KCNH5: variants seen among roughly 807,000 people sequenced by gnomAD.
KCNH5 encodes the protein voltage-gated delayed rectifier potassium channel KCNH5.
Under a neutral mutation model 96.1 loss-of-function variants are expected in KCNH5, and 46 were observed. That is an observed-to-expected ratio of 0.48 (90% CI 0.38 to 0.61). The LOEUF (loss-of-function observed/expected upper bound fraction) is 0.61, where lower values mean the gene tolerates loss of function less well. KCNH5 is among the 20% of genes least tolerant of loss of function. The pLI, the probability that KCNH5 is intolerant of heterozygous loss-of-function variation, is 0.00. For synonymous variants in KCNH5, 439 were observed against 449.8 expected (o/e 0.98, Z 0.30); for missense variants, 907 against 1,225.8 (o/e 0.74, Z 3.88).
In KCNH5 at chr14:62,849,783, C is replaced by G; in HGVS notation, c.1439G>C (p.Arg480Pro). 6.2e-7 allele frequency: 1 copy of G among 1,613,706 alleles called. No individual in the cohort carries two copies. The highest frequency in any genetic ancestry group is 8.5e-7 in the Non-Finnish European group (1 of 1,179,800). ...IFQQMYANTNRYHEMLNNVRD... is the reference protein window; with the variant it reads ...IFQQMYANTNPYHEMLNNVRD... ...TACATTATTCAGCATCTCATGGTAT[C>G]GGTTGGTGTTGGCATACATTTGCTG... is the stretch of plus-strand genomic sequence containing the variant. The change falls in exon 8 of 11, where the codon CGA becomes CCA. Residue 480 changes from arginine (R) to proline (P), a missense_variant. Physicochemically the swap from Arg to Pro is moderately radical, Grantham distance 103 (BLOSUM62 -2). Around this residue, in one of 6 missense-constraint regions of KCNH5, gnomAD observed 95 missense variants for 111.8 expected, o/e 0.85. Coordinates refer to ENST00000322893, the MANE Select transcript of KCNH5 (RefSeq NM_139318.5).
intron 7 of KCNH5, among the ~76,000 whole-genome samples, chr14:62,881,406 T>C (rs568425780): frequency 6.6e-6 from 1 of 152,298 alleles, no homozygotes; most frequent in South Asian, 2.1e-4. Flanking sequence ...TAAAATTCTT[T>C]TTCCTGATAC....
chr14:62,868,067 TC>T (rs1303306007), intron 7 of KCNH5, among the ~76,000 whole-genome samples: 4 of 152,228 alleles, frequency 2.6e-5, no homozygotes, highest in Admixed American at 6.5e-5. Context: ...AATATAATAT[TC>T]CCAGGACTTG....
At chr14:62,977,116 AT>A (rs2139563783) in intron 6 of KCNH5, among the ~76,000 whole-genome samples, 1 of 152,296 alleles carries the variant, frequency 6.6e-6, no homozygotes, top group South Asian at 2.1e-4. Flanking sequence ...CACGCCTGTA[AT>A]CCCAACACTT....
At position 62,700,339 on chromosome 14, in the gene KCNH5, C is replaced by T. The variant is rs1397966381; in HGVS notation, c.*7169G>A. The T allele has an allele frequency of 6.6e-6, 1 of 152,110 alleles. No individual in the cohort carries two copies. Among genetic ancestry groups the T allele is most frequent in the Non-Finnish European group, 1.5e-5 (1 of 68,000 alleles). The allele number at this position is 152,110 out of a possible 1,614,324, so 9.4% of individuals were successfully genotyped here. On this transcript the variant is annotated 3_prime_UTR_variant, in exon 11 of 11. Coordinates refer to ENST00000322893, the MANE Select transcript of KCNH5 (RefSeq NM_139318.5). ...TAACAATCACTTAAGAAATCTGTTC[C>T]TAATATGAAATGCATATTCCCCCTT...
chr14:63,020,401 T>G (rs1454808860), intron 1 of KCNH5, among the ~76,000 whole-genome samples: 1 of 152,086 alleles, frequency 6.6e-6, no homozygotes, highest in Non-Finnish European at 1.5e-5. Context: ...TTGGAAACAA[T>G]GCAAATGTCT....
chr14:62,851,222 A>G (rs1010057193), intron 7 of KCNH5, among the ~76,000 whole-genome samples: 1 of 152,150 alleles, frequency 6.6e-6, no homozygotes, highest in Non-Finnish European at 1.5e-5. Context: ...ATTTTGTTAG[A>G]CCTGTGTAGG....
rs145008218 is a variant in KCNH5 at position 62,762,374 on chromosome 14, T to C, written c.2019+17354A>G. Among the ~76,000 whole-genome samples, 693 of 152,220 alleles carry C rather than the reference T, an allele frequency of 4.6e-3. 8 individuals carry two copies. The highest frequency in any genetic ancestry group is 0.015 in the African/African-American group (624 of 41,540). ...CAGCCTTGAATGCCCAGATGGGCCA[T>C]TTCCCAGCAACTGCTGCCAGAGCTC... On this transcript the variant is annotated intron_variant, in intron 10 of 10. Transcript: ENST00000322893.
At chr14:62,842,602 T>A (rs1461129717) in intron 8 of KCNH5, among the ~76,000 whole-genome samples, 1 of 152,232 alleles carries the variant, frequency 6.6e-6, no homozygotes, top group Non-Finnish European at 1.5e-5. Flanking sequence ...TTTCTTATAA[T>A]AGTTTCTTAA....
In KCNH5 at chr14:62,795,260, G is replaced by C. The variant is rs1886516753; in HGVS notation, c.1822+7069C>G. On this transcript the variant is annotated intron_variant, in intron 9 of 10. Transcript: ENST00000322893. Reference sequence around the variant, plus strand: ...CACAACATATTTTTCTGGGTACCCAGAACTGAAACAATTATGAAAACAGTT... The same window carrying C: ...CACAACATATTTTTCTGGGTACCCACAACTGAAACAATTATGAAAACAGTT... 1.3e-5 allele frequency among the ~76,000 whole-genome samples: 2 copies of C among 152,112 alleles called. 1 individual carries two copies. Among genetic ancestry groups the C allele is most frequent in the South Asian group, 4.1e-4 (2 of 4,824 alleles).
At chr14:62,786,741 T>G (rs764751399) in intron 9 of KCNH5, among the ~76,000 whole-genome samples, 1 of 152,204 alleles carries the variant, frequency 6.6e-6, no homozygotes, top group Non-Finnish European at 1.5e-5. Context: ...TTGGTAATTC[T>G]CACAGTATTT....
chr14:62,799,176 T>C (rs1886597231), intron 9 of KCNH5, among the ~76,000 whole-genome samples: 1 of 152,122 alleles, frequency 6.6e-6, no homozygotes, highest in African/African-American at 2.4e-5. Context: ...CAGTAAATGT[T>C]ATAGAGCATA....
chr14:62,798,394 A>G (rs377759749), intron 9 of KCNH5, among the ~76,000 whole-genome samples: 16 of 152,328 alleles, frequency 1.1e-4, no homozygotes, highest in African/African-American at 3.6e-4. Flanking sequence ...TATACTTGTC[A>G]AGACATTGAG....
chr14:62,843,410 C>CT (rs570775868), intron 8 of KCNH5, among the ~76,000 whole-genome samples: 2,225 of 111,952 alleles, frequency 0.02, 48 homozygotes, highest in Non-Finnish European at 0.026. Flanking sequence ...ATTTACATGG[C>CT]TTTTTTTTTT....
At chr14:62,853,147 G>A (rs1458990870) in intron 7 of KCNH5, among the ~76,000 whole-genome samples, 1 of 152,128 alleles carries the variant, frequency 6.6e-6, no homozygotes, top group South Asian at 2.1e-4. Context: ...TCCTATATCT[G>A]ATCCATCAAC....
chr14:63,003,496 ATATATATTTTATATATATTT>A (rs1257966703), intron 3 of KCNH5, among the ~76,000 whole-genome samples: 9 of 126,596 alleles, frequency 7.1e-5, no homozygotes, highest in South Asian at 2.3e-4. Context: ...TATATATTAT[ATATATATTTTATATATATTT>A]TATATATTTT....
chr14:63,008,286 C>A (rs181871177), intron 2 of KCNH5, among the ~76,000 whole-genome samples: 1 of 152,038 alleles, frequency 6.6e-6, no homozygotes, highest in South Asian at 2.1e-4. Flanking sequence ...AACAGAGCCT[C>A]GAAAGACATC....
In KCNH5 at chr14:62,942,538, T is replaced by A. The variant is rs754594437; in HGVS notation, c.1369+7595A>T. Reference sequence around the variant, plus strand: ...AATACAGTGTGTGGCATTGGTCTCCTCTGTATGGTGCTGATTGACCAGTGT... The same window carrying A: ...AATACAGTGTGTGGCATTGGTCTCCACTGTATGGTGCTGATTGACCAGTGT... On this transcript the variant is annotated intron_variant, in intron 7 of 10. Transcript: ENST00000322893. 1.1e-3 allele frequency among the ~76,000 whole-genome samples: 170 copies of A among 152,196 alleles called. 5 individuals are homozygous for A. The highest frequency in any genetic ancestry group is 2.0e-4 in the Admixed American group (3 of 15,274).
At chr14:62,962,420 G>T (rs1235822544) in intron 6 of KCNH5, among the ~76,000 whole-genome samples, 1 of 152,122 alleles carries the variant, frequency 6.6e-6, no homozygotes, top group Non-Finnish European at 1.5e-5. Flanking sequence ...ACCAGAAATT[G>T]CAAATACCTG....
At chr14:62,959,681 T>A (rs541275729) in intron 6 of KCNH5, among the ~76,000 whole-genome samples, 1 of 152,278 alleles carries the variant, frequency 6.6e-6, no homozygotes, top group Admixed American at 6.6e-5. Flanking sequence ...CCTCCCACTT[T>A]CCTGCAAACT....
Sources: allele counts gnomAD v4.1 joint callset (sites outside exome capture counted in the v4.1 genomes callset), GRCh38; gene constraint gnomAD v4.1.1; regional missense constraint gnomAD v4.1.1; transcripts MANE v1.5; gene names NCBI Gene and HGNC (gene_info 2026-07-23, HGNC 2026-07-21).